The following CADPS2 variants were observed in gnomAD, a reference collection of about 807,000 sequenced individuals.
CADPS2 encodes the protein calcium-dependent secretion activator 2.
A neutral mutation model predicts 172.5 loss-of-function variants in CADPS2; 93 were observed. The ratio of observed to expected loss-of-function variants is 0.54; its 90% confidence interval spans 0.46 to 0.64. The LOEUF is 0.64. Among genes scored for constraint, CADPS2 ranks in the 30% least tolerant of loss-of-function variants. The pLI, the probability that CADPS2 is intolerant of heterozygous loss-of-function variation, is 0.00. For missense variants in CADPS2, 1,420 were observed against 1,565.9 expected (o/e 0.91, Z 1.57); for synonymous variants, 546 against 555.2 (o/e 0.98, Z 0.23).
At chr7:122,548,628 T>G (rs1013027873) in intron 8 of CADPS2, among the ~76,000 whole-genome samples, 3 of 152,200 alleles carry the variant, frequency 2.0e-5, no homozygotes, top group Non-Finnish European at 4.4e-5. Context: ...TAGCAAATTG[T>G]AGTAAAACAT....
intron 8 of CADPS2, among the ~76,000 whole-genome samples, chr7:122,543,856 C>T (rs2063348165): frequency 6.6e-6 from 1 of 151,984 alleles, no homozygotes; most frequent in South Asian, 2.1e-4. Context: ...GGATCTCTGC[C>T]TTCAAGAGAC....
chr7:122,400,192 T>G (rs889699041), intron 20 of CADPS2, among the ~76,000 whole-genome samples: 1 of 151,862 alleles, frequency 6.6e-6, no homozygotes, highest in East Asian at 2.0e-4. Flanking sequence ...TCCCAGCACT[T>G]TGGGAGGCCG....
chr7:122,558,108 G>A (rs183301756), intron 7 of CADPS2, among the ~76,000 whole-genome samples: 24 of 152,228 alleles, frequency 1.6e-4, no homozygotes, highest in African/African-American at 4.8e-4. Flanking sequence ...GAAATGTAAC[G>A]ACTTTCTTGT....
At chr7:122,645,326 CATATAT>C (rs200038957) in intron 3 of CADPS2, among the ~76,000 whole-genome samples, 1 of 101,550 alleles carries the variant, frequency 9.8e-6, no homozygotes, top group Non-Finnish European at 2.3e-5. Context: ...TATACATGTA[CATATAT>C]ACACACATGT....
chr7:122,517,173 T>C (rs1359396287), intron 8 of CADPS2, among the ~76,000 whole-genome samples: 1 of 152,172 alleles, frequency 6.6e-6, no homozygotes, highest in East Asian at 1.9e-4. Flanking sequence ...CTGACTTCTT[T>C]CATTGAGTAG....
intron 12 of CADPS2, among the ~76,000 whole-genome samples, chr7:122,477,042 GGAGAGAGAGAAGA>G (rs2056741179): frequency 0.026 from 600 of 23,362 alleles, 23 homozygotes; most frequent in African/African-American, 0.11. Context: ...GGAGAGGAGA[GGAGAGAGAGAAGA>G]GAGAGAGAGA....
chr7:122,325,603 C>CAGGG, intron 28 of CADPS2, 22 bp from the exon 29 acceptor site: 2 of 1,501,964 alleles, frequency 1.3e-6, no homozygotes, highest in Non-Finnish European at 1.8e-6. Context: ...AATTGGGGCA[C>CAGGG]AGGGGAGGAG....
intron 25 of CADPS2, among the ~76,000 whole-genome samples, chr7:122,371,058 A>G (rs182809979): frequency 6.6e-6 from 1 of 152,342 alleles, no homozygotes; most frequent in African/African-American, 2.4e-5. Flanking sequence ...CAAGGAATAC[A>G]GTGTTCCCCA....
chr7:122,857,475 G>A (rs1279276573), intron 1 of CADPS2, among the ~76,000 whole-genome samples: 2 of 152,138 alleles, frequency 1.3e-5, no homozygotes, highest in Admixed American at 1.3e-4. Flanking sequence ...TTACTTTGGG[G>A]AAAGGAGTGG....
intron 11 of CADPS2, among the ~76,000 whole-genome samples, chr7:122,488,553 G>A (rs1486843728): frequency 6.6e-6 from 1 of 152,238 alleles, no homozygotes; most frequent in Non-Finnish European, 1.5e-5. Flanking sequence ...TGCCCTGGCA[G>A]GTCCATGGTG....
At chr7:122,557,135 G>A (rs1318825861) in intron 7 of CADPS2, among the ~76,000 whole-genome samples, 1 of 152,140 alleles carries the variant, frequency 6.6e-6, no homozygotes, top group Non-Finnish European at 1.5e-5. Context: ...TAAGAGAAGT[G>A]CATTGGTAAA....
chr7:122,790,380 C>G (rs999948646), intron 1 of CADPS2, among the ~76,000 whole-genome samples: 1 of 131,276 alleles, frequency 7.6e-6, no homozygotes, highest in Non-Finnish European at 1.6e-5. Flanking sequence ...GCCAAGGGGA[C>G]AGCCAGACAG....
intron 2 of CADPS2, among the ~76,000 whole-genome samples, chr7:122,712,477 T>C (rs1419788817): frequency 6.6e-6 from 1 of 152,176 alleles, no homozygotes; most frequent in African/African-American, 2.4e-5. Flanking sequence ...GTGCACACAA[T>C]TTTAGGGCTA....
At chr7:122,574,768 GAC>G (rs1228704874) in intron 7 of CADPS2, among the ~76,000 whole-genome samples, 5 of 152,032 alleles carry the variant, frequency 3.3e-5, no homozygotes, top group African/African-American at 9.7e-5. Flanking sequence ...AAAAATAACA[GAC>G]ACAGACTATA....
chr7:122,385,691 T>C (rs2043565428), intron 24 of CADPS2, among the ~76,000 whole-genome samples: 1 of 152,070 alleles, frequency 6.6e-6, no homozygotes, highest in Admixed American at 6.6e-5. Flanking sequence ...AGAAGTCTCA[T>C]GACACAGGCC....
chr7:122,741,583 A>C lies in CADPS2; in HGVS notation c.340-4515T>G, dbSNP rs141461455. Among the ~76,000 whole-genome samples the C allele has an allele frequency of 6.6e-3, 1,006 of 152,278 alleles. 12 individuals carry two copies. The highest frequency in any genetic ancestry group is 0.023 in the African/African-American group (963 of 41,564). Reference sequence around the variant, plus strand: ...ACCTTGACTCTGTGTCTATTTTTTTAAATATTACAATCTTGAGGATTTCAA... The same window carrying C: ...ACCTTGACTCTGTGTCTATTTTTTTCAATATTACAATCTTGAGGATTTCAA... On this transcript the variant is annotated intron_variant, in intron 1 of 29. Coordinates refer to ENST00000449022, the MANE Select transcript of CADPS2 (RefSeq NM_017954.11).
At chr7:122,456,491 GA>G (rs1439414466) in intron 14 of CADPS2, among the ~76,000 whole-genome samples, 3 of 152,008 alleles carry the variant, frequency 2.0e-5, no homozygotes, top group Admixed American at 6.6e-5. Context: ...CTTAATATAT[GA>G]AAAAATTATA....
chr7:122,526,607 T>C (rs1421935030), intron 8 of CADPS2, among the ~76,000 whole-genome samples: 1 of 152,228 alleles, frequency 6.6e-6, no homozygotes, highest in Non-Finnish European at 1.5e-5. Flanking sequence ...ACCCCATTTG[T>C]CCCACACATT....
intron 3 of CADPS2, among the ~76,000 whole-genome samples, chr7:122,649,979 G>A (rs1031749389): frequency 5.4e-5 from 7 of 130,494 alleles, no homozygotes; most frequent in Admixed American, 1.8e-4. Context: ...GTGTGATCTC[G>A]GCTCACTGCA....
Sources: gnomAD v4.1 joint callset for allele counts (sites outside exome capture counted in the v4.1 genomes callset) on GRCh38, gnomAD v4.1.1 for gene constraint, MANE v1.5 for transcripts, NCBI Gene and HGNC (gene_info 2026-07-23, HGNC 2026-07-21) for gene names.